The following NXPH2 variants were observed in gnomAD, a reference collection of about 807,000 sequenced individuals.
NXPH2 encodes neurexophilin-2.
Under a neutral mutation model 19.8 loss-of-function variants are expected in NXPH2, and 5 were observed. The ratio of observed to expected loss-of-function variants is 0.25; its 90% CI spans 0.13 to 0.53. The LOEUF (loss-of-function observed/expected upper bound fraction) is 0.53, where lower values mean the gene tolerates loss of function less well. NXPH2 is among the 20% of genes least tolerant of loss of function. NXPH2 has a pLI of 0.96. For missense variants in NXPH2, 289 were observed against 322.8 expected (o/e 0.90, Z 0.80); for synonymous variants, 154 against 127.4 (o/e 1.21, Z -1.41).
At chr2:138,702,557 A>C (rs915813398) in intron 1 of NXPH2, among the ~76,000 whole-genome samples, 2 of 152,160 alleles carry the variant, frequency 1.3e-5, no homozygotes, top group Non-Finnish European at 2.9e-5. Flanking sequence ...AAAGATTCAA[A>C]ATTTTTCTTG....
At chr2:138,678,784 T>C (rs1316215015) in intron 1 of NXPH2, among the ~76,000 whole-genome samples, 6 of 152,216 alleles carry the variant, frequency 3.9e-5, no homozygotes, top group Admixed American at 3.9e-4. Context: ...CTGACTACAT[T>C]AGAATCAAAT....
chr2:138,755,721 T>C (rs1681896629), intron 1 of NXPH2, among the ~76,000 whole-genome samples: 1 of 152,152 alleles, frequency 6.6e-6, no homozygotes, highest in Non-Finnish European at 1.5e-5. Flanking sequence ...CTGCTTGAAT[T>C]TAAATTGGTA....
At chr2:138,710,212 G>T (rs990842122) in intron 1 of NXPH2, among the ~76,000 whole-genome samples, 1 of 152,020 alleles carries the variant, frequency 6.6e-6, no homozygotes, top group African/African-American at 2.4e-5. Context: ...ATGTTTTCAG[G>T]TTTGTCCATG....
chr2:138,778,802 A>G (rs1682305896), intron 1 of NXPH2, among the ~76,000 whole-genome samples: 1 of 152,212 alleles, frequency 6.6e-6, no homozygotes, highest in Non-Finnish European at 1.5e-5. Flanking sequence ...AAGATGTAAA[A>G]TGTATTTTAA....
intron 1 of NXPH2, among the ~76,000 whole-genome samples, chr2:138,706,920 A>G (rs1681024506): frequency 6.6e-6 from 1 of 151,548 alleles, no homozygotes; most frequent in Non-Finnish European, 1.5e-5. Flanking sequence ...AACTAAAATA[A>G]AGAAAAAAAA....
intron 1 of NXPH2, among the ~76,000 whole-genome samples, chr2:138,766,278 A>G (rs1682090110): frequency 6.6e-6 from 1 of 152,210 alleles, no homozygotes; most frequent in African/African-American, 2.4e-5. Flanking sequence ...GCTTCCTAAC[A>G]GTTCAAAGAC....
intron 1 of NXPH2, among the ~76,000 whole-genome samples, chr2:138,724,452 A>ATG (rs1681326874): frequency 6.6e-6 from 1 of 152,100 alleles, no homozygotes; most frequent in Non-Finnish European, 1.5e-5. Context: ...GGGTGATTGT[A>ATG]TGTGTGTGTG....
At position 138,780,310 on chromosome 2, in the gene NXPH2, G is replaced by T. The variant is rs887216148; in HGVS notation, c.-69C>A. ...TGCCTCTCGCGCATCTCCACTTCGC[G>T]GGGCAGGACTGAGGACGCCAGGGAC... On this transcript the variant is annotated 5_prime_UTR_variant, in exon 1 of 2. Coordinates refer to ENST00000272641, the MANE Select transcript of NXPH2 (RefSeq NM_007226.3). 3.1e-6 allele frequency: 4 copies of T among 1,302,594 alleles called. No individual in the cohort carries two copies. Among genetic ancestry groups the T allele is most frequent in the Non-Finnish European group, 2.0e-6 (2 of 1,004,256 alleles). 80.7% of individuals were successfully genotyped at this position (1,302,594 alleles called of 1,614,324 possible).
At position 138,670,498 on chromosome 2, in the gene NXPH2, T is replaced by C. The variant is rs1680397551; in HGVS notation, c.*424A>G. Among the ~76,000 whole-genome samples the C allele has an allele frequency of 6.6e-6, 1 of 152,196 alleles. No homozygotes were observed. Among genetic ancestry groups the C allele is most frequent in the African/African-American group, 2.4e-5 (1 of 41,454 alleles). Reference sequence around the variant, plus strand: ...TCAAAAACACAATTCATCTATCAAATACAATCTTTTCCTTTACCGCATCTG... The same window carrying C: ...TCAAAAACACAATTCATCTATCAAACACAATCTTTTCCTTTACCGCATCTG... On this transcript the variant is annotated 3_prime_UTR_variant, in exon 2 of 2. Coordinates refer to ENST00000272641, the MANE Select transcript of NXPH2 (RefSeq NM_007226.3).
chr2:138,671,767 G>C, intron 1 of NXPH2, 102 bp from the exon 2 acceptor site: 1 of 1,232,030 alleles, frequency 8.1e-7, no homozygotes, highest in South Asian at 1.7e-5. Context: ...ACATTGTTTA[G>C]ATTCTTGTTC....
intron 1 of NXPH2, among the ~76,000 whole-genome samples, chr2:138,710,887 C>T (rs745784259): frequency 1.9e-4 from 29 of 152,114 alleles, no homozygotes; most frequent in Non-Finnish European, 3.7e-4. Context: ...CTGGCTTCCC[C>T]GACTTCCTCA....
rs542187334 is a variant in NXPH2, at chr2:138,738,138, T to C, written c.51+42053A>G. 2.7e-5 allele frequency among the ~76,000 whole-genome samples: 4 copies of C among 150,316 alleles called. No homozygotes were observed. In the East Asian group the frequency reaches 8.0e-4, roughly 30 times the overall value. On this transcript the variant is annotated intron_variant, in intron 1 of 1. Transcript: ENST00000272641. ...GTGTCCATGTGTTCTCATTGTTCAATTCCCACCTATGAACACCTTCATTTT... is the reference window on the plus strand; with the variant it reads ...GTGTCCATGTGTTCTCATTGTTCAACTCCCACCTATGAACACCTTCATTTT...
intron 1 of NXPH2, among the ~76,000 whole-genome samples, chr2:138,684,198 G>C (rs996385697): frequency 6.6e-6 from 1 of 152,234 alleles, no homozygotes; most frequent in South Asian, 2.1e-4. Context: ...GCTTGTCCAA[G>C]GTCCAAGTAT....
In NXPH2 at chr2:138,671,196, T is replaced by G. The variant is rs201966793; in HGVS notation, c.521A>C (p.Gln174Pro). The G allele has an allele frequency of 1.2e-6, 2 of 1,613,760 alleles. No homozygotes were observed. Among genetic ancestry groups the G allele is most frequent in the African/African-American group, 1.3e-5 (1 of 74,898 alleles). Reference protein sequence around the residue: ...SKVVEFEVSPQSTLETKESKS... With the variant: ...SKVVEFEVSPPSTLETKESKS... ...GGATTCCTTGGTCTCCAAGGTAGAC[T>G]GGGGGGAAACTTCAAATTCCACCAC... Residue 174 changes from glutamine (Q) to proline (P), a missense_variant, in exon 2 of 2, where the codon CAG (glutamine) becomes CCG (proline). By Grantham distance (76) the Gln-to-Pro change is moderately conservative. Coordinates refer to ENST00000272641, the MANE Select transcript of NXPH2 (RefSeq NM_007226.3).
intron 1 of NXPH2, among the ~76,000 whole-genome samples, chr2:138,767,680 TC>T (rs1373264006): frequency 6.6e-6 from 1 of 152,242 alleles, no homozygotes; most frequent in Non-Finnish European, 1.5e-5. Flanking sequence ...AACGTTTTTT[TC>T]CTAAGTAATC....
In NXPH2 at chr2:138,703,879, G is replaced by A. The variant is rs150705520; in HGVS notation, c.52-32214C>T. Among the ~76,000 whole-genome samples the A allele has an allele frequency of 5.5e-4, 83 of 152,244 alleles. 1 individual carries two copies. In the East Asian group the frequency reaches 0.014, roughly 26 times the overall value. On this transcript the variant is annotated intron_variant, in intron 1 of 1. Transcript: ENST00000272641. ...TATCCTTTAGCAAGGCAGGTTAGGCGGGATCTTATTTAAAACATAAGAGGT... is the reference window on the plus strand; with the variant it reads ...TATCCTTTAGCAAGGCAGGTTAGGCAGGATCTTATTTAAAACATAAGAGGT...
intron 1 of NXPH2, among the ~76,000 whole-genome samples, chr2:138,718,992 G>A (rs1348885812): frequency 1.3e-5 from 2 of 152,100 alleles, no homozygotes; most frequent in African/African-American, 4.8e-5. Flanking sequence ...AAAATGTAAT[G>A]TAAATTGTAA....
chr2:138,726,125 C>T (rs1418663967), intron 1 of NXPH2, among the ~76,000 whole-genome samples: 4 of 152,146 alleles, frequency 2.6e-5, no homozygotes, highest in Non-Finnish European at 5.9e-5. Flanking sequence ...TCACTGCAAC[C>T]TCCACCTCCT....
intron 1 of NXPH2, among the ~76,000 whole-genome samples, chr2:138,770,328 T>A (rs1194079927): frequency 6.6e-6 from 1 of 152,102 alleles, no homozygotes; most frequent in African/African-American, 2.4e-5. Flanking sequence ...CCAGTGTATC[T>A]AAATAAAATG....
Sources: allele counts gnomAD v4.1 joint callset (sites outside exome capture counted in the v4.1 genomes callset), GRCh38; gene constraint gnomAD v4.1.1; transcripts MANE v1.5; gene names NCBI Gene and HGNC (gene_info 2026-07-23, HGNC 2026-07-21).